Variants in PIP5K1C observed in about 807,000 individuals in gnomAD.
The protein encoded by PIP5K1C is phosphatidylinositol 4-phosphate 5-kinase type-1 gamma.
A neutral mutation model predicts 80.1 loss-of-function variants in PIP5K1C; 45 were observed. The observed-to-expected ratio is 0.56, with a 90% CI of 0.44 to 0.72. The LOEUF is 0.72. PIP5K1C is among the 30% of genes least tolerant of loss of function. The pLI, the probability that PIP5K1C is intolerant of heterozygous loss-of-function variation, is 0.00. For missense variants in PIP5K1C, 753 were observed against 954.6 expected (o/e 0.79, Z 2.78); for synonymous variants, 498 against 420.1 (o/e 1.19, Z -2.27).
intron 13 of PIP5K1C, 59 bp from the exon 14 acceptor site, chr19:3,642,998 T>C: frequency 1.3e-6 from 2 of 1,594,676 alleles, no homozygotes; most frequent in Non-Finnish European, 8.6e-7. Context: ...CTGCTCAGTC[T>C]ACCTGCCTTG....
chr19:3,674,694 G>A (rs2145544621), intron 1 of PIP5K1C, among the ~76,000 whole-genome samples: 1 of 152,304 alleles, frequency 6.6e-6, no homozygotes, highest in East Asian at 1.9e-4. Flanking sequence ...GTAGAGATGG[G>A]GTTTCACCGT....
At position 3,637,965 on chromosome 19, in the gene PIP5K1C, T is replaced by G; in HGVS notation, c.1920+919A>C. On this transcript the variant is annotated intron_variant, in intron 16 of 17. Coordinates refer to ENST00000335312, the MANE Select transcript of PIP5K1C (RefSeq NM_012398.3). This position sits in a 1 kb window ranked among gnomAD's most constrained non-coding sequence, Gnocchi z 7.0. Reference sequence around the variant, plus strand: ...ACAGGCACGCGGCCCGTCCCTCCCTTCTCCAGGGCCAGGTGGGTGCATGGG... The same window carrying G: ...ACAGGCACGCGGCCCGTCCCTCCCTGCTCCAGGGCCAGGTGGGTGCATGGG... 3 of 1,532,940 alleles carry G rather than the reference T, an allele frequency of 2.0e-6. No individual in the cohort carries two copies. The highest frequency in any genetic ancestry group is 2.4e-5 in the South Asian group (2 of 83,832). 95.0% of individuals were successfully genotyped at this position (1,532,940 alleles called of 1,614,324 possible).
intron 1 of PIP5K1C, among the ~76,000 whole-genome samples, chr19:3,687,513 A>G (rs367711485): frequency 9.8e-5 from 10 of 102,190 alleles, no homozygotes; most frequent in African/African-American, 2.3e-4. Flanking sequence ...ACATGCACAT[A>G]CATGCACACA....
chr19:3,637,011 G>C lies in PIP5K1C; in HGVS notation c.1920+1873C>G. On this transcript the variant is annotated intron_variant, in intron 16 of 17. Transcript: ENST00000335312. This position sits in a 1 kb window ranked among gnomAD's most constrained non-coding sequence, Gnocchi z 7.0. Reference sequence around the variant, plus strand: ...GGTCTCCCAGGCTCCCAGGGGAGCCGAGGCCTCAGCGCCTCCATCTGTGAG... The same window carrying C: ...GGTCTCCCAGGCTCCCAGGGGAGCCCAGGCCTCAGCGCCTCCATCTGTGAG... 1 of 1,043,214 alleles carries C rather than the reference G, an allele frequency of 9.6e-7. No homozygotes were observed. The highest frequency in any genetic ancestry group is 1.2e-6 in the Non-Finnish European group (1 of 865,830). The allele number at this position is 1,043,214 out of a possible 1,614,324, so 64.6% of individuals were successfully genotyped here.
chr19:3,665,280 G>A (rs2034971477), intron 2 of PIP5K1C, among the ~76,000 whole-genome samples: 1 of 152,174 alleles, frequency 6.6e-6, no homozygotes, highest in Non-Finnish European at 1.5e-5. Flanking sequence ...GCCACCCTGG[G>A]CACAGCAGGG....
At chr19:3,698,065 C>G (rs1333600501) in intron 1 of PIP5K1C, among the ~76,000 whole-genome samples, 1 of 152,262 alleles carries the variant, frequency 6.6e-6, no homozygotes, top group East Asian at 1.9e-4. Flanking sequence ...GGGCAGCCTC[C>G]CTCGGCCCCT....
intron 16 of PIP5K1C, among the ~76,000 whole-genome samples, chr19:3,638,345 C>A (rs2096572805): frequency 6.6e-6 from 1 of 152,164 alleles, no homozygotes; most frequent in South Asian, 2.1e-4. Flanking sequence ...GAGTCCCCAG[C>A]CCACGGCGTG....
chr19:3,645,482 C>T (rs2145414550), intron 11 of PIP5K1C, among the ~76,000 whole-genome samples: 1 of 152,336 alleles, frequency 6.6e-6, no homozygotes, highest in Non-Finnish European at 1.5e-5. Flanking sequence ...AATCCCGAGT[C>T]CCCACCTTCC....
intron 7 of PIP5K1C, among the ~76,000 whole-genome samples, chr19:3,652,695 C>A (rs13345886): frequency 7.9e-5 from 12 of 152,298 alleles, no homozygotes; most frequent in African/African-American, 2.9e-4. Context: ...GCAGGCTCCA[C>A]GGGGACAGGA....
chr19:3,654,436 G>T lies in PIP5K1C; in HGVS notation c.622-847C>A, dbSNP rs557282924. On this transcript the variant is annotated intron_variant, in intron 6 of 17. Coordinates refer to ENST00000335312, the MANE Select transcript of PIP5K1C (RefSeq NM_012398.3). Reference sequence around the variant, plus strand: ...CGGACTCAGGCACCAGCCTGGGCAGGCTAGGTGAACTCCAGCCCCTGGGCC... The same window carrying T: ...CGGACTCAGGCACCAGCCTGGGCAGTCTAGGTGAACTCCAGCCCCTGGGCC... 2.0e-5 allele frequency among the ~76,000 whole-genome samples: 3 copies of T among 152,286 alleles called. No individual in the cohort carries two copies. The East Asian group carries it at 5.8e-4, about 29-fold the overall frequency.
At chr19:3,636,295 G>A (rs922065425) in intron 16 of PIP5K1C, 9 of 777,082 alleles carry the variant, frequency 1.2e-5, no homozygotes, top group African/African-American at 1.1e-4. Context: ...ACCCAGAACC[G>A]GGTGACCCCA....
chr19:3,666,915 C>T (rs1008093742), intron 2 of PIP5K1C, among the ~76,000 whole-genome samples: 12 of 152,272 alleles, frequency 7.9e-5, no homozygotes, highest in Non-Finnish European at 1.5e-4. Context: ...CCTCGGGCAT[C>T]GCCCTCTGGG....
In PIP5K1C at chr19:3,688,940, C is replaced by T. The variant is rs376613246; in HGVS notation, c.94+11357G>A. On this transcript the variant is annotated intron_variant, in intron 1 of 17. Coordinates refer to ENST00000335312, the MANE Select transcript of PIP5K1C (RefSeq NM_012398.3). This position sits in a 1 kb window ranked among gnomAD's most constrained non-coding sequence, Gnocchi z 5.3. The stretch of plus-strand genomic sequence containing the variant: ...ATGGGCGGGGGCCTGGGAGAGTGCC[C>T]GGGATGGGGCTGGGGGGTGGGGGGG... Among the ~76,000 whole-genome samples the T allele has an allele frequency of 9.0e-3, 1,251 of 139,564 alleles. 14 individuals are homozygous for T. Among genetic ancestry groups the T allele is most frequent in the African/African-American group, 0.021 (804 of 38,530 alleles). The allele number at this position is 139,564 out of a possible 152,430, so 91.6% of individuals were successfully genotyped here. A position where few individuals can be genotyped will look rare whatever the true frequency, so the allele number is the denominator to read the frequency against.
Position 3,663,788 on chromosome 19 carries a change from G to A in PIP5K1C, c.219+1034C>T, listed in dbSNP as rs549501876. On this transcript the variant is annotated intron_variant, in intron 3 of 17. Coordinates refer to ENST00000335312, the MANE Select transcript of PIP5K1C (RefSeq NM_012398.3). ...ATTCACTGTTGCTGGGTGTGAAAAC[G>A]GTACCGCTGCTATGGAGAACAGTTT... Among the ~76,000 whole-genome samples, 6 of 152,314 alleles carry A rather than the reference G, an allele frequency of 3.9e-5. No individual in the cohort carries two copies. The East Asian group carries it at 1.2e-3, about 29-fold the overall frequency.
intron 14 of PIP5K1C, among the ~76,000 whole-genome samples, chr19:3,642,257 A>G (rs1471602080): frequency 2.0e-5 from 3 of 152,226 alleles, no homozygotes; most frequent in Admixed American, 1.3e-4. Context: ...GCAGCGATTA[A>G]AACACGGTTA....
chr19:3,647,860 T>C lies in PIP5K1C; in HGVS notation c.1212-474A>G, dbSNP rs189174797. Among the ~76,000 whole-genome samples, 512 of 152,244 alleles carry C rather than the reference T, an allele frequency of 3.4e-3. 4 individuals carry two copies. The highest frequency in any genetic ancestry group is 0.011 in the African/African-American group (476 of 41,530). ...TACTGGGGAGGCTGGGGCAGGAGAA[T>C]AGGGTCGACTCAGAAGGCAGAGGTT... On this transcript the variant is annotated intron_variant, in intron 9 of 17. Transcript: ENST00000335312.
At chr19:3,676,282 C>T (rs1397099799) in intron 1 of PIP5K1C, among the ~76,000 whole-genome samples, 1 of 152,310 alleles carries the variant, frequency 6.6e-6, no homozygotes, top group African/African-American at 2.4e-5. Flanking sequence ...ACCTGCCCGG[C>T]CCTGCAGCCC....
Position 3,648,759 on chromosome 19 carries a change from G to T in PIP5K1C, c.1128-51C>A. On this transcript the variant is annotated intron_variant, in intron 8 of 17. Coordinates refer to ENST00000335312, the MANE Select transcript of PIP5K1C (RefSeq NM_012398.3). This position sits in a 1 kb window ranked among gnomAD's most constrained non-coding sequence, Gnocchi z 4.3. ...TCAGCATCCCGCAGAGCTGGGACTC[G>T]GGGCAGGCGGGGCTGGGGACTCCAG... The T allele has an allele frequency of 6.7e-7, 1 of 1,500,458 alleles. No individual in the cohort carries two copies. The highest frequency in any genetic ancestry group is 9.3e-7 in the Non-Finnish European group (1 of 1,078,862). 92.9% of individuals were successfully genotyped at this position (1,500,458 alleles called of 1,614,324 possible).
Position 3,632,781 on chromosome 19 carries a change from GAC to G in PIP5K1C, c.*384_*385del. 1 of 209,802 alleles carries G rather than the reference GAC, an allele frequency of 4.8e-6. No individual in the cohort carries two copies. Among genetic ancestry groups the G allele is most frequent in the Non-Finnish European group, 9.4e-6 (1 of 106,166 alleles). The allele number at this position is 209,802 out of a possible 1,614,324, so 13.0% of individuals were successfully genotyped here. ...GCGAACAGCCTGGCTTCTTCCTCAG[GAC>G]ACAGGCAGGCACAGCAGAGAACCAA... On this transcript the variant is annotated 3_prime_UTR_variant, in exon 18 of 18. Transcript: ENST00000335312.
Sources: allele counts gnomAD v4.1 joint callset (sites outside exome capture counted in the v4.1 genomes callset), GRCh38; gene constraint gnomAD v4.1.1; non-coding constraint Gnocchi (gnomAD v3.1); transcripts MANE v1.5; gene names NCBI Gene and HGNC (gene_info 2026-07-23, HGNC 2026-07-21).